BICD1: variants seen among roughly 807,000 people sequenced by gnomAD.
BICD1 encodes the protein protein bicaudal D homolog 1.
Under a neutral mutation model 92.5 loss-of-function variants are expected in BICD1, and 35 were observed. The ratio of observed to expected loss-of-function variants is 0.38; its 90% confidence interval spans 0.29 to 0.50. The LOEUF is 0.50. BICD1 is among the 20% of genes least tolerant of loss of function. The pLI is 0.93. For synonymous variants in BICD1, 429 were observed against 465.1 expected (o/e 0.92, Z 1.00); for missense variants, 950 against 1,189.8 (o/e 0.80, Z 2.97).
intron 1 of BICD1, among the ~76,000 whole-genome samples, chr12:32,117,278 T>G (rs1216952591): frequency 6.6e-6 from 1 of 152,174 alleles, no homozygotes; most frequent in African/African-American, 2.4e-5. Flanking sequence ...TATTCGGATT[T>G]CTTTGATTTT....
Position 32,170,600 on chromosome 12 carries a change from A to C in BICD1, c.214-45647A>C, listed in dbSNP as rs139418510. Among the ~76,000 whole-genome samples the C allele has an allele frequency of 7.9e-3, 1,199 of 152,280 alleles. 6 individuals are homozygous for C. Among genetic ancestry groups the C allele is most frequent in the Non-Finnish European group, 0.012 (800 of 68,018 alleles). On this transcript the variant is annotated intron_variant, in intron 1 of 9. Transcript: ENST00000652176. ...TCAGCAGGTGAAGTCTTTTTTACAC[A>C]ATGCCACTGTACGGATTGTAGAGTT...
intron 1 of BICD1, among the ~76,000 whole-genome samples, chr12:32,150,913 G>A (rs570308039): frequency 6.6e-6 from 1 of 152,244 alleles, no homozygotes; most frequent in South Asian, 2.1e-4. Context: ...GCATTTTCTT[G>A]TCATTTTCAT....
intron 2 of BICD1, among the ~76,000 whole-genome samples, chr12:32,264,960 C>CT (rs1167137224): frequency 1.3e-5 from 2 of 152,098 alleles, no homozygotes; most frequent in African/African-American, 4.8e-5. Flanking sequence ...ACAGAAAGGG[C>CT]TTAAGCAAAT....
chr12:32,186,936 G>A (rs1382083020), intron 1 of BICD1, among the ~76,000 whole-genome samples: 2 of 152,200 alleles, frequency 1.3e-5, no homozygotes, highest in African/African-American at 4.8e-5. Flanking sequence ...CACTGGATTA[G>A]GAGCCAGAAT....
At chr12:32,221,272 A>T (rs1032238569) in intron 2 of BICD1, among the ~76,000 whole-genome samples, 46 of 133,334 alleles carry the variant, frequency 3.4e-4, no homozygotes, top group East Asian at 7.7e-4. Flanking sequence ...TAAAAAATTT[A>T]AAAAAAAATG....
intron 2 of BICD1, among the ~76,000 whole-genome samples, chr12:32,249,328 A>C (rs573583201): frequency 2.0e-3 from 298 of 152,338 alleles, no homozygotes; most frequent in African/African-American, 6.9e-3. Flanking sequence ...TTTACAACAG[A>C]ACGTGTTCTT....
intron 1 of BICD1, among the ~76,000 whole-genome samples, chr12:32,151,586 T>C (rs1592380575): frequency 6.6e-6 from 1 of 152,314 alleles, no homozygotes; most frequent in Non-Finnish European, 1.5e-5. Context: ...TAAGTGTACA[T>C]TATGTTGATT....
At chr12:32,148,587 A>G (rs1394897872) in intron 1 of BICD1, among the ~76,000 whole-genome samples, 1 of 152,182 alleles carries the variant, frequency 6.6e-6, no homozygotes, top group Admixed American at 6.5e-5. Context: ...AATCATGTCA[A>G]ATTCACCAAG....
chr12:32,141,842 G>A (rs970022219), intron 1 of BICD1, among the ~76,000 whole-genome samples: 4 of 152,036 alleles, frequency 2.6e-5, no homozygotes, highest in Non-Finnish European at 5.9e-5. Context: ...CTTTTTATTC[G>A]CCGTTCGTTG....
chr12:32,168,877 G>T (rs983132587), intron 1 of BICD1, among the ~76,000 whole-genome samples: 2 of 152,020 alleles, frequency 1.3e-5, no homozygotes, highest in African/African-American at 2.4e-5. Context: ...CAGGAGAATC[G>T]CTTGAACCCG....
chr12:32,373,858 C>T (rs560795570), intron 9 of BICD1, among the ~76,000 whole-genome samples: 47 of 148,996 alleles, frequency 3.2e-4, no homozygotes, highest in African/African-American at 1.0e-3. Context: ...CCAGGCTGGG[C>T]GACAGTTTGA....
At chr12:32,370,737 G>A (rs533939604) in intron 9 of BICD1, among the ~76,000 whole-genome samples, 152 of 152,356 alleles carry the variant, frequency 1.0e-3, no homozygotes, top group African/African-American at 3.4e-3. Flanking sequence ...GGAATTCAGC[G>A]AGGCACGCTC....
intron 1 of BICD1, among the ~76,000 whole-genome samples, chr12:32,193,470 G>T (rs925335945): frequency 1.3e-5 from 2 of 152,184 alleles, no homozygotes; most frequent in Non-Finnish European, 2.9e-5. Context: ...TTTTATTGTG[G>T]TATTTGCTCT....
At chr12:32,277,771 T>G (rs1947315809) in intron 2 of BICD1, among the ~76,000 whole-genome samples, 1 of 152,222 alleles carries the variant, frequency 6.6e-6, no homozygotes, top group Admixed American at 6.5e-5. Flanking sequence ...TTCCCCCCTT[T>G]CTGTACCTTT....
chr12:32,369,785 A>G (rs1427206977), intron 9 of BICD1, among the ~76,000 whole-genome samples: 1 of 151,826 alleles, frequency 6.6e-6, no homozygotes, highest in Non-Finnish European at 1.5e-5. Flanking sequence ...ACATGGCTGT[A>G]GTCCCAGCTA....
intron 1 of BICD1, among the ~76,000 whole-genome samples, chr12:32,164,294 T>G (rs1249653749): frequency 6.6e-6 from 1 of 152,222 alleles, no homozygotes; most frequent in African/African-American, 2.4e-5. Context: ...TGGTATTGAT[T>G]TATTGTTATA....
chr12:32,273,885 A>G (rs1220787463), intron 2 of BICD1, among the ~76,000 whole-genome samples: 1 of 152,236 alleles, frequency 6.6e-6, no homozygotes, highest in Non-Finnish European at 1.5e-5. Flanking sequence ...TCCACCTCAC[A>G]GACTGAACAC....
rs559307785 is a variant in BICD1, at chr12:32,107,826, C to A, written c.213+282C>A. On this transcript the variant is annotated intron_variant, in intron 1 of 9. Transcript: ENST00000652176. ...GTCATCAAGTCTCAGCACTCTAAGA[C>A]GACATTCAAGTGGGTTGGAATGTAT... 6.1e-5 allele frequency: 42 copies of A among 685,532 alleles called. No homozygotes were observed. The East Asian group carries it at 1.1e-3, about 18-fold the overall frequency. 42.5% of individuals were successfully genotyped at this position (685,532 alleles called of 1,614,324 possible). A position where few individuals can be genotyped will look rare whatever the true frequency, so the allele number is the denominator to read the frequency against.
chr12:32,272,973 A>C (rs539438188), intron 2 of BICD1, among the ~76,000 whole-genome samples: 3 of 152,240 alleles, frequency 2.0e-5, no homozygotes, highest in Non-Finnish European at 4.4e-5. Context: ...GCAAAGATAT[A>C]GTTTATAGGA....
Sources: gnomAD v4.1 joint callset for allele counts (sites outside exome capture counted in the v4.1 genomes callset) on GRCh38, gnomAD v4.1.1 for gene constraint, MANE v1.5 for transcripts, NCBI Gene and HGNC (gene_info 2026-07-23, HGNC 2026-07-21) for gene names.